FAM83B: variants seen among roughly 807,000 people sequenced by gnomAD.
FAM83B encodes the protein scaffolding CK1 anchoring protein B.
In FAM83B, 26 loss-of-function variants were observed where a neutral mutation model predicts 38.8. That is an observed-to-expected ratio of 0.67 (90% confidence interval 0.49 to 0.93). FAM83B has a LOEUF of 0.93. Ranked by LOEUF, FAM83B falls within the 40% of genes least tolerant of loss-of-function variation. FAM83B has a pLI of 0.00. For synonymous variants in FAM83B, 419 were observed against 423.1 expected, an observed-to-expected ratio of 0.99 and a Z score of 0.12; for missense variants, 1,237 against 1,197.3, an observed-to-expected ratio of 1.03 and a Z score of -0.49.
chr6:54,941,892 G>C lies in FAM83B; in HGVS notation c.2921G>C (p.Arg974Thr), dbSNP rs1173226809. The C allele has an allele frequency of 6.2e-7, 1 of 1,613,902 alleles. No individual in the cohort carries two copies. Among genetic ancestry groups the C allele is most frequent in the Non-Finnish European group, 8.5e-7 (1 of 1,180,000 alleles). The change falls in exon 5 of 5, where the codon AGG becomes ACG. Residue 974 changes from arginine to threonine, a missense_variant. Physicochemically the swap from Arg to Thr is moderately conservative, Grantham distance 71. Transcript: ENST00000306858. ...GCGACTATGGGCAACAGTTATGGCA[G>C]GTCTAGTCCATTGCTTAATTACAAC... ...KSATMGNSYG[R>T]SSPLLNYNTG...
Position 54,931,942 on chromosome 6 carries a change from C to T in FAM83B, c.734+4310C>T, listed in dbSNP as rs114116358. Among the ~76,000 whole-genome samples, 1,325 of 147,892 alleles carry T rather than the reference C, an allele frequency of 9.0e-3. 15 individuals carry two copies. The highest frequency in any genetic ancestry group is 0.014 in the Non-Finnish European group (947 of 67,066). On this transcript the variant is annotated intron_variant, in intron 4 of 4. Coordinates refer to ENST00000306858, the MANE Select transcript of FAM83B (RefSeq NM_001010872.3). ...TGCACATACATGCTTTGATTATCAT[C>T]TCATTTCCTTTTGTGTATATTCTAA...
chr6:54,878,051 C>G (rs1772040654), intron 2 of FAM83B, among the ~76,000 whole-genome samples: 1 of 152,132 alleles, frequency 6.6e-6, no homozygotes, highest in Non-Finnish European at 1.5e-5. Context: ...TAGACCAGGC[C>G]AGGAGGCACT....
At position 54,941,498 on chromosome 6, in the gene FAM83B, C is replaced by G. The variant is rs561858606; in HGVS notation, c.2527C>G (p.His843Asp). 13 of 1,613,868 alleles carry G rather than the reference C, an allele frequency of 8.1e-6. No individual in the cohort carries two copies. The African/African-American group carries it at 9.3e-5, about 12-fold the overall frequency. Residue 843 changes from histidine to aspartate, a missense_variant, in exon 5 of 5, where the codon CAC (histidine) becomes GAC (aspartate). His to Asp is a moderately conservative substitution (Grantham distance 81). Coordinates refer to ENST00000306858, the MANE Select transcript of FAM83B (RefSeq NM_001010872.3). Reference sequence around the variant, plus strand: ...CTCATCGAATTCTCAAGGCAGCATCCACAAGAGTAAGGAAGATGTAACAGT... The same window carrying G: ...CTCATCGAATTCTCAAGGCAGCATCGACAAGAGTAAGGAAGATGTAACAGT... ...SSSSNSQGSI[H>D]KSKEDVTVSP...
intron 2 of FAM83B, among the ~76,000 whole-genome samples, chr6:54,922,381 T>C (rs572498528): frequency 6.6e-6 from 1 of 152,200 alleles, no homozygotes; most frequent in African/African-American, 2.4e-5. Context: ...TATGTTTTTA[T>C]AAGTTATTTT....
At chr6:54,905,398 A>G (rs1772755207) in intron 2 of FAM83B, among the ~76,000 whole-genome samples, 1 of 152,240 alleles carries the variant, frequency 6.6e-6, no homozygotes, top group Non-Finnish European at 1.5e-5. Context: ...GTATATGTTT[A>G]TCAGGTACAA....
At chr6:54,939,631 G>A (rs1428808958) in intron 4 of FAM83B, 75 bp from the exon 5 acceptor site, 1 of 1,341,876 alleles carries the variant, frequency 7.5e-7, no homozygotes, top group African/African-American at 1.5e-5. Flanking sequence ...GTCATTAAGT[G>A]ATACTTTTTT....
chr6:54,907,167 G>T (rs961703435), intron 2 of FAM83B, among the ~76,000 whole-genome samples: 1 of 152,042 alleles, frequency 6.6e-6, no homozygotes, highest in Admixed American at 6.5e-5. Context: ...TGCTAGAAAC[G>T]TATTCCAGCC....
At chr6:54,937,676 T>C (rs186429907) in intron 4 of FAM83B, among the ~76,000 whole-genome samples, 130 of 152,240 alleles carry the variant, frequency 8.5e-4, no homozygotes, top group African/African-American at 3.1e-3. Flanking sequence ...TCCGTATCCT[T>C]ACATTGGACA....
At chr6:54,863,535 A>G (rs753604239) in intron 1 of FAM83B, among the ~76,000 whole-genome samples, 2 of 61,532 alleles carry the variant, frequency 3.3e-5, no homozygotes, top group Non-Finnish European at 7.8e-5. Flanking sequence ...CTTACCAACT[A>G]TGCCGCTGAG....
chr6:54,926,545 C>CT lies in FAM83B; in HGVS notation c.609+11dup. The CT allele has an allele frequency of 6.6e-7, 1 of 1,508,974 alleles. No individual in the cohort carries two copies. The highest frequency in any genetic ancestry group is 8.9e-7 in the Non-Finnish European group (1 of 1,123,720). The allele number at this position is 1,508,974 out of a possible 1,614,324, so 93.5% of individuals were successfully genotyped here. ...AGTTCAGCGTCTCAGGGTAAGAATT[C>CT]TGTTTTTTTTTTCCTCAAGTATTTT... On this transcript the variant is annotated intron_variant, in intron 3 of 4. Coordinates refer to ENST00000306858, the MANE Select transcript of FAM83B (RefSeq NM_001010872.3).
rs1231069254 is a variant in FAM83B at position 54,870,697 on chromosome 6, A to T, written c.444+7A>T. 1.9e-6 allele frequency: 3 copies of T among 1,569,394 alleles called. No individual in the cohort carries two copies. The highest frequency in any genetic ancestry group is 2.6e-6 in the Non-Finnish European group (3 of 1,162,306). On this transcript the variant is annotated splice_region_variant and intron_variant, in intron 2 of 4. Coordinates refer to ENST00000306858, the MANE Select transcript of FAM83B (RefSeq NM_001010872.3). ...GATAAAAGAAGCAAGAAAGGTAATA[A>T]CATTTCTATTTTGAAATGAAAAATT...
chr6:54,911,096 G>T (rs144060573), intron 2 of FAM83B, among the ~76,000 whole-genome samples: 1 of 150,772 alleles, frequency 6.6e-6, no homozygotes, highest in Non-Finnish European at 1.5e-5. Flanking sequence ...CTCCTGGGGG[G>T]TACAGAGAGA....
intron 1 of FAM83B, among the ~76,000 whole-genome samples, chr6:54,863,758 G>A (rs1465373232): frequency 6.6e-6 from 1 of 152,116 alleles, no homozygotes; most frequent in East Asian, 1.9e-4. Flanking sequence ...TGTTCATGTT[G>A]ATTTATTATT....
chr6:54,861,428 G>A (rs1365891347), intron 1 of FAM83B, among the ~76,000 whole-genome samples: 2 of 152,066 alleles, frequency 1.3e-5, no homozygotes, highest in African/African-American at 2.4e-5. Flanking sequence ...ATGGTGGGGC[G>A]TGTCTGTGGT....
intron 1 of FAM83B, among the ~76,000 whole-genome samples, chr6:54,860,475 C>A (rs1771554790): frequency 6.6e-6 from 1 of 151,996 alleles, no homozygotes; most frequent in South Asian, 2.1e-4. Context: ...ACTAGAATAT[C>A]CTAAAAAAAT....
intron 2 of FAM83B, among the ~76,000 whole-genome samples, chr6:54,904,920 G>T (rs911345088): frequency 1.3e-5 from 2 of 152,072 alleles, no homozygotes; most frequent in African/African-American, 4.8e-5. Context: ...AAATAAGAGA[G>T]CAGAGAAAGA....
rs182666223 is a variant in FAM83B, at chr6:54,883,412, G to A, written c.444+12722G>A. ...TGCAATGGGGCAATCTTGGCTCAAC[G>A]CAACCTCCGCCTCCCAGGTTCAAGT... On this transcript the variant is annotated intron_variant, in intron 2 of 4. Coordinates refer to ENST00000306858, the MANE Select transcript of FAM83B (RefSeq NM_001010872.3). 8.6e-3 allele frequency among the ~76,000 whole-genome samples: 1,221 copies of A among 141,192 alleles called. 9 individuals carry two copies. Among genetic ancestry groups the A allele is most frequent in the Non-Finnish European group, 0.014 (901 of 66,416 alleles). The allele number at this position is 141,192 out of a possible 152,430, so 92.6% of individuals were successfully genotyped here.
chr6:54,882,822 T>C (rs1772163260), intron 2 of FAM83B, among the ~76,000 whole-genome samples: 1 of 152,214 alleles, frequency 6.6e-6, no homozygotes, highest in Non-Finnish European at 1.5e-5. Context: ...TCCCAACTTT[T>C]TGCCTCCAAT....
At chr6:54,898,309 G>T (rs1424100574) in intron 2 of FAM83B, among the ~76,000 whole-genome samples, 1 of 152,196 alleles carries the variant, frequency 6.6e-6, no homozygotes, top group Admixed American at 6.5e-5. Context: ...CCCCAGCAGT[G>T]CAGGAATAAC....
Sources: allele counts gnomAD v4.1 joint callset (sites outside exome capture counted in the v4.1 genomes callset), GRCh38; gene constraint gnomAD v4.1.1; transcripts MANE v1.5; gene names NCBI Gene and HGNC (gene_info 2026-07-23, HGNC 2026-07-21).